The following LUZP2 variants were observed in gnomAD, a reference collection of about 807,000 sequenced individuals.
LUZP2 encodes the protein leucine zipper protein 2.
A neutral mutation model predicts 51.6 loss-of-function variants in LUZP2; 52 were observed. That is an observed-to-expected ratio of 1.01 (90% CI 0.81 to 1.27). LUZP2 has a LOEUF of 1.27. Among genes scored for constraint, LUZP2 ranks in the 50% most tolerant of loss-of-function variants. LUZP2 has a pLI of 0.00. For synonymous variants in LUZP2, 154 were observed against 137.3 expected, an observed-to-expected ratio of 1.12 and a Z score of -0.85; for missense variants, 436 against 395.4, an observed-to-expected ratio of 1.10 and a Z score of -0.87.
At chr11:24,878,559 C>A (rs781081828) in intron 5 of LUZP2, among the ~76,000 whole-genome samples, 4 of 152,056 alleles carry the variant, frequency 2.6e-5, no homozygotes, top group East Asian at 3.9e-4. Flanking sequence ...TGTTCTATAA[C>A]CTTCTTGTAC....
At chr11:25,074,917 A>G (rs539782352) in intron 10 of LUZP2, among the ~76,000 whole-genome samples, 10 of 152,136 alleles carry the variant, frequency 6.6e-5, no homozygotes, top group Non-Finnish European at 8.8e-5. Flanking sequence ...GTTGAAATCA[A>G]TTTTTCCCTA....
chr11:24,629,366 A>G (rs1164772607), intron 1 of LUZP2, among the ~76,000 whole-genome samples: 1 of 151,604 alleles, frequency 6.6e-6, no homozygotes, highest in African/African-American at 2.4e-5. Context: ...TTTCACTTAT[A>G]ATTCTGGCCT....
intron 1 of LUZP2, among the ~76,000 whole-genome samples, chr11:24,702,093 T>C (rs960385759): frequency 2.6e-5 from 4 of 152,202 alleles, no homozygotes; most frequent in African/African-American, 9.7e-5. Flanking sequence ...TGCTGTGAAA[T>C]ACTGAAAATC....
intron 7 of LUZP2, among the ~76,000 whole-genome samples, chr11:24,955,665 G>T (rs1855192397): frequency 6.6e-6 from 1 of 151,950 alleles, no homozygotes; most frequent in African/African-American, 2.4e-5. Context: ...AGGGGGATTT[G>T]AACAAAAAAC....
chr11:24,719,586 T>C (rs566684885), intron 1 of LUZP2, among the ~76,000 whole-genome samples: 1 of 152,370 alleles, frequency 6.6e-6, no homozygotes, highest in Admixed American at 6.5e-5. Context: ...CATTTGGCAC[T>C]ATGTAGTACA....
chr11:24,852,222 C>T (rs1376211766), intron 5 of LUZP2, among the ~76,000 whole-genome samples: 4 of 152,066 alleles, frequency 2.6e-5, no homozygotes, highest in African/African-American at 7.2e-5. Context: ...AGCCCTTTCT[C>T]GCTTTCTCCT....
intron 7 of LUZP2, among the ~76,000 whole-genome samples, chr11:24,931,502 G>A (rs1166875711): frequency 2.0e-5 from 3 of 152,138 alleles, no homozygotes; most frequent in Non-Finnish European, 2.9e-5. Context: ...AGCATACAGA[G>A]GACCCATGTT....
chr11:24,568,421 G>A (rs773907704), intron 1 of LUZP2, among the ~76,000 whole-genome samples: 4 of 149,600 alleles, frequency 2.7e-5, no homozygotes, highest in Non-Finnish European at 4.4e-5. Flanking sequence ...TTTTTTAGGA[G>A]AATCACTGTA....
At chr11:24,790,496 AT>A (rs1294598347) in intron 5 of LUZP2, among the ~76,000 whole-genome samples, 1 of 150,668 alleles carries the variant, frequency 6.6e-6, no homozygotes, top group Admixed American at 6.6e-5. Flanking sequence ...CTTTATTTTT[AT>A]TTATTTATTT....
intron 5 of LUZP2, among the ~76,000 whole-genome samples, chr11:24,868,609 T>A (rs1301955142): frequency 6.6e-6 from 1 of 152,104 alleles, no homozygotes; most frequent in Non-Finnish European, 1.5e-5. Context: ...CCTGACACCA[T>A]CCTCATAATT....
intron 1 of LUZP2, among the ~76,000 whole-genome samples, chr11:24,607,586 G>A (rs546309141): frequency 1.3e-5 from 2 of 151,540 alleles, no homozygotes; most frequent in Admixed American, 6.6e-5. Context: ...TAGTGCCTTC[G>A]ACTGTTATTC....
intron 1 of LUZP2, among the ~76,000 whole-genome samples, chr11:24,605,006 C>G (rs988724948): frequency 1.3e-5 from 2 of 151,730 alleles, no homozygotes; most frequent in Non-Finnish European, 3.0e-5. Flanking sequence ...ACCTTCCAAA[C>G]ACGGCTGGAT....
At chr11:24,926,699 C>T (rs897246782) in intron 7 of LUZP2, among the ~76,000 whole-genome samples, 1 of 147,668 alleles carries the variant, frequency 6.8e-6, no homozygotes, top group African/African-American at 2.5e-5. Flanking sequence ...CTGCTATAAA[C>T]GTGTGTGCAA....
At position 24,497,260 on chromosome 11, in the gene LUZP2, C is replaced by G; in HGVS notation, c.17C>G (p.Ala6Gly). The G allele has an allele frequency of 6.4e-7, 1 of 1,564,412 alleles. No homozygotes were observed. Among genetic ancestry groups the G allele is most frequent in the Non-Finnish European group, 8.7e-7 (1 of 1,153,464 alleles). ...GGCAGCAGCATGAAATTCAGCCCAG[C>G]GCACTACCTGCTGCCTCTCCTGCCT... is the stretch of plus-strand genomic sequence containing the variant. MKFSPAHYLLPLLPAL... is the reference protein window; with the variant it reads MKFSPGHYLLPLLPAL... Residue 6 changes from alanine to glycine, a missense_variant, in exon 1 of 12, where the codon GCG becomes GGG. Transcript: ENST00000336930.
In LUZP2 at chr11:24,640,551, G is replaced by T. The variant is rs375244548; in HGVS notation, c.63-88618G>T. On this transcript the variant is annotated intron_variant, in intron 1 of 11. Coordinates refer to ENST00000336930, the MANE Select transcript of LUZP2 (RefSeq NM_001009909.4). ...TTTTCTGTCTATAAAAACATGGCAT[G>T]TATACAAAAGATAAAATACTTTATT... Among the ~76,000 whole-genome samples, 22 of 151,860 alleles carry T rather than the reference G, an allele frequency of 1.4e-4. 1 individual carries two copies. Among genetic ancestry groups the T allele is most frequent in the African/African-American group, 5.3e-4 (22 of 41,192 alleles).
chr11:25,032,301 A>G (rs560048483), intron 9 of LUZP2, among the ~76,000 whole-genome samples: 1 of 152,284 alleles, frequency 6.6e-6, no homozygotes, highest in East Asian at 1.9e-4. Flanking sequence ...TTGTGTTATA[A>G]GTTGTTGCAG....
chr11:24,871,832 G>A (rs118185945), intron 5 of LUZP2, among the ~76,000 whole-genome samples: 2,539 of 152,100 alleles, frequency 0.017, 42 homozygotes, highest in Admixed American at 0.025. Flanking sequence ...CCCACATTTG[G>A]AATGAGCTAT....
rs376744369 is a variant in LUZP2, at chr11:24,620,315, T to C, written c.63-108854T>C. On this transcript the variant is annotated intron_variant, in intron 1 of 11. Transcript: ENST00000336930. ...AAATGAAAGATCTTTTATTTTAAAA[T>C]GTTATGTTCAAATAAACTTTTTTTT... Among the ~76,000 whole-genome samples, 38 of 152,324 alleles carry C rather than the reference T, an allele frequency of 2.5e-4. No homozygotes were observed. The East Asian group carries it at 6.5e-3, about 26-fold the overall frequency.
chr11:25,070,606 A>T (rs75300771), intron 10 of LUZP2, among the ~76,000 whole-genome samples: 2 of 152,002 alleles, frequency 1.3e-5, no homozygotes, highest in African/African-American at 4.8e-5. Flanking sequence ...CCTGCCTGTT[A>T]AAATATCCCA....
Sources: gnomAD v4.1 joint callset for allele counts (sites outside exome capture counted in the v4.1 genomes callset) on GRCh38, gnomAD v4.1.1 for gene constraint, MANE v1.5 for transcripts, NCBI Gene and HGNC (gene_info 2026-07-23, HGNC 2026-07-21) for gene names.